AP2B1: variants seen among roughly 807,000 people sequenced by gnomAD.
The protein encoded by AP2B1 is adaptor related protein complex 2 subunit beta 1, also known as AP-2 complex subunit beta.
AP2B1 carries 23 observed loss-of-function variants against 102.0 expected under a neutral mutation model. The observed-to-expected ratio is 0.23, with a 90% CI of 0.16 to 0.32. The LOEUF (loss-of-function observed/expected upper bound fraction) is 0.32, where lower values mean the gene tolerates loss of function less well. Ranked by LOEUF, AP2B1 falls within the 10% of genes least tolerant of loss-of-function variation. The probability of loss-of-function intolerance (pLI) is 1.00; values close to 1 mark genes in which losing one functional copy is unlikely to be tolerated. For missense variants in AP2B1, 541 were observed against 1,157.4 expected (o/e 0.47, Z 7.73); for synonymous variants, 381 against 421.2 (o/e 0.90, Z 1.17).
intron 14 of AP2B1, among the ~76,000 whole-genome samples, chr17:35,661,017 C>A (rs1378747332): frequency 6.6e-6 from 1 of 152,132 alleles, no homozygotes; most frequent in Non-Finnish European, 1.5e-5. Context: ...TAGGTTAGCT[C>A]AGTGATCATT....
intron 5 of AP2B1, among the ~76,000 whole-genome samples, chr17:35,614,152 C>T (rs943733421): frequency 2.6e-5 from 4 of 152,058 alleles, no homozygotes; most frequent in African/African-American, 7.2e-5. Context: ...CTCTTGACAG[C>T]CCCACCATAT....
chr17:35,652,953 T>C (rs984432291), intron 13 of AP2B1, among the ~76,000 whole-genome samples: 4 of 152,316 alleles, frequency 2.6e-5, no homozygotes, highest in Admixed American at 2.6e-4. Flanking sequence ...TTCCCCTTTT[T>C]ACTTCTTTCT....
chr17:35,704,573 C>T (rs921737332), intron 18 of AP2B1, among the ~76,000 whole-genome samples: 1 of 152,032 alleles, frequency 6.6e-6, no homozygotes, highest in African/African-American at 2.4e-5. Flanking sequence ...ATAGGTGAGC[C>T]GGAAGTAAGC....
chr17:35,606,998 C>T (rs947557870), intron 4 of AP2B1, among the ~76,000 whole-genome samples: 5 of 151,892 alleles, frequency 3.3e-5, no homozygotes, highest in African/African-American at 7.3e-5. Flanking sequence ...CTCCGCCTCC[C>T]GGGCTCAAGT....
Position 35,670,894 on chromosome 17 carries a change from C to T in AP2B1, c.2027C>T (p.Pro676Leu), listed in dbSNP as rs772675188. The T allele has an allele frequency of 3.7e-6, 6 of 1,613,820 alleles. No homozygotes were observed. The highest frequency in any genetic ancestry group is 1.3e-5 in the African/African-American group (1 of 74,860). ...SDLGGGIGGSPAVGQSFIPSS... is the reference protein window; with the variant it reads ...SDLGGGIGGSLAVGQSFIPSS... ...CTTGGCGGGGGCATTGGAGGAAGTCCGGCAGTAAGTGCCATCTGTTTTTTT... is the reference window on the plus strand; with the variant it reads ...CTTGGCGGGGGCATTGGAGGAAGTCTGGCAGTAAGTGCCATCTGTTTTTTT... Residue 676 changes from proline (P) to leucine (L), a missense_variant, in exon 15 of 22, where the codon CCG (proline) becomes CTG (leucine). Pro to Leu is a moderately conservative substitution (Grantham distance 98, BLOSUM62 -3). Coordinates refer to ENST00000610402, the MANE Select transcript of AP2B1 (RefSeq NM_001030006.2).
At position 35,717,345 on chromosome 17, in the gene AP2B1, A is replaced by C. The variant is rs2076569015; in HGVS notation, c.2777A>C (p.Tyr926Ser). Residue 926 changes from tyrosine (Y) to serine (S), a missense_variant, in exon 21 of 22, where the codon TAC becomes TCC. Tyr to Ser is a moderately radical substitution (Grantham distance 144, BLOSUM62 -2). This residue lies in a region of AP2B1 where 117 missense variants were observed against 206.7 expected (regional missense o/e 0.57). Coordinates refer to ENST00000610402, the MANE Select transcript of AP2B1 (RefSeq NM_001030006.2). Reference sequence around the variant, plus strand: ...CGTATCCAGCCAGGAAACCCCAATTACACGGTAAGGCCTTTCTCAGAATGG... The same window carrying C: ...CGTATCCAGCCAGGAAACCCCAATTCCACGGTAAGGCCTTTCTCAGAATGG... ...ELRIQPGNPN[Y>S]TLSLKCRAPE... 6.2e-7 allele frequency: 1 copy of C among 1,614,016 alleles called. No individual in the cohort carries two copies. Among genetic ancestry groups the C allele is most frequent in the Non-Finnish European group, 8.5e-7 (1 of 1,179,990 alleles).
intron 19 of AP2B1, among the ~76,000 whole-genome samples, 153 bp from the exon 20 acceptor site, chr17:35,710,081 C>T (rs1265311538): frequency 6.6e-6 from 1 of 152,190 alleles, no homozygotes. Context: ...AAGTATAGCA[C>T]TTTTGTAGAG....
intron 15 of AP2B1, 91 bp from the exon 16 acceptor site, chr17:35,671,663 T>G: frequency 7.8e-7 from 1 of 1,284,656 alleles, no homozygotes; most frequent in Admixed American, 2.0e-5. Flanking sequence ...CTTATTGATT[T>G]ATCAAAACTA....
At chr17:35,711,330 G>C (rs1382462703) in intron 20 of AP2B1, among the ~76,000 whole-genome samples, 1 of 151,148 alleles carries the variant, frequency 6.6e-6, no homozygotes, top group Non-Finnish European at 1.5e-5. Context: ...TCTCATAAGG[G>C]ATTTCCAGCA....
chr17:35,706,228 A>G (rs1295854011), intron 18 of AP2B1, among the ~76,000 whole-genome samples: 2 of 151,796 alleles, frequency 1.3e-5, no homozygotes, highest in African/African-American at 4.8e-5. Context: ...TCTACAGTGC[A>G]GAACAGTTTA....
chr17:35,686,934 G>A (rs377322741), intron 18 of AP2B1, among the ~76,000 whole-genome samples: 33 of 152,212 alleles, frequency 2.2e-4, no homozygotes, highest in African/African-American at 6.0e-4. Context: ...CTGAGATCGC[G>A]CCACTGCACT....
chr17:35,685,776 C>A (rs975067424), intron 18 of AP2B1, among the ~76,000 whole-genome samples: 2 of 150,614 alleles, frequency 1.3e-5, no homozygotes, highest in East Asian at 3.9e-4. Context: ...TTTTTTTCTT[C>A]TTTGAGATGG....
At chr17:35,680,699 T>G (rs867520579) in intron 17 of AP2B1, among the ~76,000 whole-genome samples, 30 of 142,834 alleles carry the variant, frequency 2.1e-4, no homozygotes, top group Non-Finnish European at 3.5e-4. Context: ...TTTTTTTTTT[T>G]GTTTTTTTTT....
chr17:35,615,028 C>A (rs2073974787), intron 5 of AP2B1, among the ~76,000 whole-genome samples: 1 of 152,032 alleles, frequency 6.6e-6, no homozygotes, highest in African/African-American at 2.4e-5. Context: ...GGGTAGAGTC[C>A]AGGGATGTTT....
intron 3 of AP2B1, among the ~76,000 whole-genome samples, chr17:35,604,360 TG>T (rs2073591771): frequency 6.6e-6 from 1 of 152,096 alleles, no homozygotes; most frequent in Non-Finnish European, 1.5e-5. Flanking sequence ...CCTCCCACCA[TG>T]GCCTCGCAAA....
At chr17:35,677,184 C>T (rs1286450162) in intron 17 of AP2B1, among the ~76,000 whole-genome samples, 1 of 152,086 alleles carries the variant, frequency 6.6e-6, no homozygotes, top group African/African-American at 2.4e-5. Flanking sequence ...GAGATGGGGT[C>T]CCACTCTGTT....
chr17:35,696,372 T>A (rs1248159835), intron 18 of AP2B1, among the ~76,000 whole-genome samples: 1 of 151,654 alleles, frequency 6.6e-6, no homozygotes, highest in Non-Finnish European at 1.5e-5. Context: ...GAGAAGTAGG[T>A]TAATGGATAC....
intron 21 of AP2B1, among the ~76,000 whole-genome samples, chr17:35,721,967 G>A (rs2085406352): frequency 6.6e-6 from 1 of 152,186 alleles, no homozygotes; most frequent in African/African-American, 2.4e-5. Flanking sequence ...TAGGTCCAGC[G>A]CAGTGGCTCA....
rs192037615 is a variant in AP2B1, at chr17:35,642,392, T to A, written c.1536+417T>A. 4.7e-3 allele frequency among the ~76,000 whole-genome samples: 716 copies of A among 152,326 alleles called. 4 individuals are homozygous for A. Among genetic ancestry groups the A allele is most frequent in the African/African-American group, 0.016 (678 of 41,570 alleles). On this transcript the variant is annotated intron_variant, in intron 12 of 21. Coordinates refer to ENST00000610402, the MANE Select transcript of AP2B1 (RefSeq NM_001030006.2). ...GAGTAGTTGCCTTTCTCACAGAAAT[T>A]AAGTGTTTATGCTGCTTCCTTGTAT...
Sources: allele counts gnomAD v4.1 joint callset (sites outside exome capture counted in the v4.1 genomes callset), GRCh38; gene constraint gnomAD v4.1.1; regional missense constraint gnomAD v4.1.1; transcripts MANE v1.5; gene names NCBI Gene and HGNC (gene_info 2026-07-23, HGNC 2026-07-21).